The following ADAMTSL3 variants were observed in gnomAD, a reference collection of about 807,000 sequenced individuals.
ADAMTSL3 encodes ADAMTS like 3.
ADAMTSL3 carries 128 observed loss-of-function variants against 201.7 expected under a neutral mutation model. That is an observed-to-expected ratio of 0.63 (90% confidence interval 0.55 to 0.73). ADAMTSL3 has a LOEUF of 0.73. ADAMTSL3 is among the 30% of genes least tolerant of loss of function. The probability of loss-of-function intolerance (pLI) is 0.00; values close to 1 mark genes in which losing one functional copy is unlikely to be tolerated. For missense variants in ADAMTSL3, 1,990 were observed against 2,119.6 expected (o/e 0.94, Z 1.20); for synonymous variants, 738 against 748.4 (o/e 0.99, Z 0.23).
At chr15:83,829,163 T>C (rs921954905) in intron 6 of ADAMTSL3, among the ~76,000 whole-genome samples, 4 of 152,222 alleles carry the variant, frequency 2.6e-5, no homozygotes, top group African/African-American at 9.7e-5. Flanking sequence ...TCCTGGACTT[T>C]TTTTGGTTGG....
At chr15:83,806,399 CTG>C (rs932833101) in intron 5 of ADAMTSL3, among the ~76,000 whole-genome samples, 1 of 152,232 alleles carries the variant, frequency 6.6e-6, no homozygotes, top group Non-Finnish European at 1.5e-5. Context: ...GCTGATGAAA[CTG>C]TGTGTAGACC....
chr15:83,983,159 T>C lies in ADAMTSL3; in HGVS notation c.3531T>C (p.Pro1177=). 1 of 1,613,440 alleles carries C rather than the reference T, an allele frequency of 6.2e-7. No individual in the cohort carries two copies. The highest frequency in any genetic ancestry group is 1.3e-5 in the African/African-American group (1 of 74,978). Residue 1177 remains proline (P), a synonymous_variant, in exon 21 of 30, where the codon CCT becomes CCC. Transcript: ENST00000286744. ...SGKLTFKPKG[P]VLMRQSQPPS... ...AGCTGACATTCAAGCCGAAAGGACC[T>C]GTTCTCATGAGGCAAAGCCAACCTC...
intron 13 of ADAMTSL3, 98 bp from the exon 14 acceptor site, chr15:83,897,760 A>C (rs774993024): frequency 1.1e-5 from 15 of 1,357,004 alleles, no homozygotes; most frequent in Non-Finnish European, 1.5e-5. Flanking sequence ...TGTGTTTAAC[A>C]TTTATGTAGT....
At chr15:83,824,467 C>A (rs2141934381) in intron 6 of ADAMTSL3, among the ~76,000 whole-genome samples, 1 of 152,248 alleles carries the variant, frequency 6.6e-6, no homozygotes, top group Middle Eastern at 3.4e-3. Context: ...AGTCGATGAA[C>A]CTACACTGAC....
At chr15:83,975,462 C>A (rs886649055) in intron 20 of ADAMTSL3, among the ~76,000 whole-genome samples, 6 of 152,190 alleles carry the variant, frequency 3.9e-5, no homozygotes, top group Non-Finnish European at 7.3e-5. Context: ...GAGACCCAGC[C>A]AGGCAGAGGC....
At chr15:83,709,192 A>G (rs2061898318) in intron 3 of ADAMTSL3, among the ~76,000 whole-genome samples, 1 of 152,244 alleles carries the variant, frequency 6.6e-6, no homozygotes, top group African/African-American at 2.4e-5. Flanking sequence ...ATTCATAAGC[A>G]TATTTATTCC....
chr15:83,870,991 C>T (rs767969646), intron 9 of ADAMTSL3, 32 bp downstream of exon 9: 76 of 1,597,524 alleles, frequency 4.8e-5, no homozygotes, highest in Middle Eastern at 1.7e-4. Flanking sequence ...ACTTCATGTA[C>T]CTGAATCCCA....
At chr15:83,865,957 A>G (rs931460131) in intron 8 of ADAMTSL3, among the ~76,000 whole-genome samples, 2 of 152,226 alleles carry the variant, frequency 1.3e-5, no homozygotes, top group Admixed American at 6.5e-5. Context: ...AAGGATATGA[A>G]CAGACACTTC....
chr15:83,900,364 A>G (rs1036277603), intron 15 of ADAMTSL3, among the ~76,000 whole-genome samples: 18 of 152,232 alleles, frequency 1.2e-4, no homozygotes, highest in African/African-American at 4.3e-4. Context: ...TGCCAGTGGA[A>G]ATTAAGAATC....
intron 14 of ADAMTSL3, among the ~76,000 whole-genome samples, chr15:83,898,730 C>G (rs1253120856): frequency 1.3e-5 from 2 of 152,090 alleles, no homozygotes; most frequent in Non-Finnish European, 2.9e-5. Context: ...AAGTATCTTC[C>G]ATCTTGAAAT....
chr15:83,924,031 C>T lies in ADAMTSL3; in HGVS notation c.2115C>T (p.Pro705=), dbSNP rs112871476. The change falls in exon 17 of 30, where the codon CCC becomes CCT. Residue 705 remains proline (P), a splice_region_variant and synonymous_variant. Coordinates refer to ENST00000286744, the MANE Select transcript of ADAMTSL3 (RefSeq NM_207517.3). ...CCTGTAACACAGAGCCCTGTCCCCC[C>T]AGGTATGTGCTGTCTTGTGTTCCTG... ...SQACNTEPCP[P]RWHVGSWGPC... 986 of 1,614,020 alleles carry T rather than the reference C, an allele frequency of 6.1e-4. 1 individual carries two copies. The highest frequency in any genetic ancestry group is 3.9e-3 in the African/African-American group (293 of 75,062).
At chr15:83,864,749 G>A (rs1193494295) in intron 8 of ADAMTSL3, among the ~76,000 whole-genome samples, 1 of 152,166 alleles carries the variant, frequency 6.6e-6, no homozygotes, top group East Asian at 1.9e-4. Flanking sequence ...ACATAGTGTT[G>A]GAAGTTCTGG....
At chr15:83,952,411 G>C (rs2066774506) in intron 19 of ADAMTSL3, among the ~76,000 whole-genome samples, 2 of 152,188 alleles carry the variant, frequency 1.3e-5, no homozygotes, top group African/African-American at 4.8e-5. Context: ...GTGCTGAAGA[G>C]AAGAATGTGT....
chr15:83,986,489 A>G (rs1315649725), intron 21 of ADAMTSL3, among the ~76,000 whole-genome samples: 2 of 152,230 alleles, frequency 1.3e-5, no homozygotes, highest in African/African-American at 4.8e-5. Context: ...TTCAAAACAG[A>G]AGCAATTTCA....
chr15:83,774,275 C>T (rs1347790160), intron 4 of ADAMTSL3, among the ~76,000 whole-genome samples: 1 of 152,138 alleles, frequency 6.6e-6, no homozygotes, highest in Non-Finnish European at 1.5e-5. Flanking sequence ...TAGTCTTGTA[C>T]AAAAGAAGAT....
chr15:83,913,943 G>T (rs1171609762), intron 16 of ADAMTSL3, among the ~76,000 whole-genome samples: 1 of 152,212 alleles, frequency 6.6e-6, no homozygotes, highest in Non-Finnish European at 1.5e-5. Context: ...GCCCCCTGAT[G>T]ATTTATACAA....
chr15:83,829,396 G>A (rs1166885050), intron 6 of ADAMTSL3, among the ~76,000 whole-genome samples: 8 of 151,814 alleles, frequency 5.3e-5, no homozygotes, highest in African/African-American at 9.7e-5. Context: ...TTTTTATTGC[G>A]CCTATTTGAT....
chr15:83,870,957 A>C lies in ADAMTSL3; in HGVS notation c.958A>C (p.Lys320Gln), dbSNP rs1256929895. 1.9e-6 allele frequency: 3 copies of C among 1,612,086 alleles called. No individual in the cohort carries two copies. The Admixed American group carries it at 5.0e-5, about 27-fold the overall frequency. The stretch of plus-strand genomic sequence containing the variant: ...ACCTCTGATGGCTGATTTCATCTTC[A>C]AGGTAGGATGATCCTCTTCATAAAC... ...PGPLMADFIF[K>Q]TRYTAAKDSV... Residue 320 changes from lysine (K) to glutamine (Q), a missense_variant and splice_region_variant, in exon 9 of 30, where the codon AAG becomes CAG. Physicochemically the swap from Lys to Gln is moderately conservative, Grantham distance 53 (BLOSUM62 1). Transcript: ENST00000286744.
At chr15:83,668,349 G>C (rs1279722256) in intron 2 of ADAMTSL3, among the ~76,000 whole-genome samples, 2 of 150,764 alleles carry the variant, frequency 1.3e-5, no homozygotes, top group Non-Finnish European at 3.0e-5. Flanking sequence ...TTGGTATTGA[G>C]TATTACTGAA....
Sources: allele counts gnomAD v4.1 joint callset (sites outside exome capture counted in the v4.1 genomes callset), GRCh38; gene constraint gnomAD v4.1.1; transcripts MANE v1.5; gene names NCBI Gene and HGNC (gene_info 2026-07-23, HGNC 2026-07-21).